The following GTF2E1 variants were observed in gnomAD, a reference collection of about 807,000 sequenced individuals.
The protein encoded by GTF2E1 is TFIIE alpha subunit.
A neutral mutation model predicts 34.9 loss-of-function variants in GTF2E1; 14 were observed. The observed-to-expected ratio is 0.40, with a 90% CI of 0.27 to 0.63. The LOEUF (loss-of-function observed/expected upper bound fraction) is 0.63, where lower values mean the gene tolerates loss of function less well. GTF2E1 is among the 20% of genes least tolerant of loss of function. GTF2E1 has a pLI of 0.39. For synonymous variants in GTF2E1, 188 were observed against 192.9 expected (o/e 0.97, Z 0.21); for missense variants, 469 against 557.7 (o/e 0.84, Z 1.60).
intron 2 of GTF2E1, among the ~76,000 whole-genome samples, chr3:120,762,536 T>C (rs375353594): frequency 2.6e-5 from 4 of 152,374 alleles, no homozygotes; most frequent in African/African-American, 9.6e-5. Flanking sequence ...TTATGGTTAG[T>C]AATGCTTGGT....
intron 2 of GTF2E1, among the ~76,000 whole-genome samples, chr3:120,758,167 A>AG (rs1576358136): frequency 6.6e-6 from 1 of 152,188 alleles, no homozygotes; most frequent in Non-Finnish European, 1.5e-5. Context: ...AAAAAATAAA[A>AG]TAAGTAATAT....
At chr3:120,778,032 T>C (rs144521380) in intron 4 of GTF2E1, among the ~76,000 whole-genome samples, 251 of 152,302 alleles carry the variant, frequency 1.6e-3, no homozygotes, top group African/African-American at 5.5e-3. Context: ...CCTGTTGTGT[T>C]ATTTAGATTG....
At chr3:120,747,375 C>G (rs1210958429) in intron 1 of GTF2E1, among the ~76,000 whole-genome samples, 1 of 151,980 alleles carries the variant, frequency 6.6e-6, no homozygotes, top group Non-Finnish European at 1.5e-5. Context: ...TTAGGTATAT[C>G]TCCTAATGCT....
At chr3:120,774,058 T>C (rs898065786) in intron 3 of GTF2E1, among the ~76,000 whole-genome samples, 3 of 152,188 alleles carry the variant, frequency 2.0e-5, no homozygotes, top group Non-Finnish European at 4.4e-5. Context: ...CAGGATTATA[T>C]ATAAAGAGAA....
chr3:120,743,516 G>A, intron 1 of GTF2E1, among the ~76,000 whole-genome samples: 1 of 152,182 alleles, frequency 6.6e-6, no homozygotes, highest in East Asian at 1.9e-4. Context: ...GGCTATGCTA[G>A]ATGCTGGAAA....
At chr3:120,760,698 A>T (rs964872523) in intron 2 of GTF2E1, among the ~76,000 whole-genome samples, 4 of 151,992 alleles carry the variant, frequency 2.6e-5, no homozygotes, top group Non-Finnish European at 4.4e-5. Context: ...GCTTTTTGTC[A>T]TTGGTTCTGT....
chr3:120,780,617 G>A (rs557899874), intron 4 of GTF2E1, among the ~76,000 whole-genome samples: 1 of 152,186 alleles, frequency 6.6e-6, no homozygotes, highest in Non-Finnish European at 1.5e-5. Context: ...TACCTTGAGT[G>A]AGATAAAGAG....
At chr3:120,770,076 A>G (rs1023379712) in intron 2 of GTF2E1, among the ~76,000 whole-genome samples, 4 of 152,154 alleles carry the variant, frequency 2.6e-5, no homozygotes, top group African/African-American at 9.7e-5. Context: ...GCCAGACACT[A>G]AGTACTTACA....
chr3:120,765,917 A>G (rs1048198898), intron 2 of GTF2E1, among the ~76,000 whole-genome samples: 1 of 152,094 alleles, frequency 6.6e-6, no homozygotes, highest in African/African-American at 2.4e-5. Flanking sequence ...TCTAGCTTGC[A>G]TGTTCTCCCT....
intron 4 of GTF2E1, among the ~76,000 whole-genome samples, chr3:120,779,693 C>T (rs2107614360): frequency 6.6e-6 from 1 of 152,300 alleles, no homozygotes; most frequent in Non-Finnish European, 1.5e-5. Context: ...TGATAGATAA[C>T]ACTATTCTAA....
At chr3:120,776,232 TTTTC>T (rs1709397822) in intron 3 of GTF2E1, among the ~76,000 whole-genome samples, 187 bp from the exon 4 acceptor site, 1 of 152,196 alleles carries the variant, frequency 6.6e-6, no homozygotes, top group Non-Finnish European at 1.5e-5. Context: ...TATGATGTGT[TTTTC>T]TAACGCATAC....
At chr3:120,771,873 T>C (rs1709354201) in intron 3 of GTF2E1, among the ~76,000 whole-genome samples, 1 of 152,216 alleles carries the variant, frequency 6.6e-6, no homozygotes, top group African/African-American at 2.4e-5. Flanking sequence ...AATATCCAGC[T>C]CTAGTTGGAA....
At chr3:120,757,321 A>G (rs1306399404) in intron 2 of GTF2E1, among the ~76,000 whole-genome samples, 1 of 152,194 alleles carries the variant, frequency 6.6e-6, no homozygotes, top group Non-Finnish European at 1.5e-5. Flanking sequence ...GTAGAACCCA[A>G]TTTCATTGAT....
intron 4 of GTF2E1, among the ~76,000 whole-genome samples, chr3:120,777,956 T>G (rs1338661883): frequency 6.6e-6 from 1 of 152,216 alleles, no homozygotes; most frequent in Non-Finnish European, 1.5e-5. Context: ...ACTCCTGACC[T>G]CAAGTGATCT....
At chr3:120,751,813 A>G (rs901007423) in intron 2 of GTF2E1, among the ~76,000 whole-genome samples, 3 of 152,144 alleles carry the variant, frequency 2.0e-5, no homozygotes, top group Non-Finnish European at 4.4e-5. Flanking sequence ...ACTCAGTGCT[A>G]TTAAATTAGA....
chr3:120,767,263 C>G (rs1463214885), intron 2 of GTF2E1, among the ~76,000 whole-genome samples: 2 of 152,046 alleles, frequency 1.3e-5, no homozygotes, highest in Non-Finnish European at 2.9e-5. Flanking sequence ...CTATCATTTT[C>G]AAGGATGTTT....
At position 120,776,632 on chromosome 3, in the gene GTF2E1, A is replaced by G. The variant is rs775228983; in HGVS notation, c.860A>G (p.Gln287Arg). ...RPIWLRESTV[Q>R]GAYGSEDMKE... ...ATTTGGTTGAGAGAAAGCACTGTCC[A>G]AGGGGCATATGGTTCTGAAGATATG... Residue 287 changes from glutamine (Q) to arginine (R), a missense_variant, in exon 4 of 5, where the codon CAA becomes CGA. Coordinates refer to ENST00000283875, the MANE Select transcript of GTF2E1 (RefSeq NM_005513.3). The G allele has an allele frequency of 1.2e-5, 19 of 1,613,638 alleles. No homozygotes were observed. In the Admixed American group the frequency reaches 2.8e-4, roughly 24 times the overall value.
chr3:120,782,445 T>C lies in GTF2E1; in HGVS notation c.*975T>C, dbSNP rs182220238. ...AGGATGATAGAAAACAGAAGTATAATTGGTAAACCCTTAGGAAGAAATTAG... is the reference window on the plus strand; with the variant it reads ...AGGATGATAGAAAACAGAAGTATAACTGGTAAACCCTTAGGAAGAAATTAG... On this transcript the variant is annotated 3_prime_UTR_variant, in exon 5 of 5. Transcript: ENST00000283875. 6.6e-6 allele frequency: 1 copy of C among 152,318 alleles called. No homozygotes were observed. Among genetic ancestry groups the C allele is most frequent in the African/African-American group, 2.4e-5 (1 of 41,556 alleles). The allele number at this position is 152,318 out of a possible 1,614,324, so 9.4% of individuals were successfully genotyped here.
At chr3:120,773,141 G>A (rs952690767) in intron 3 of GTF2E1, among the ~76,000 whole-genome samples, 3 of 143,204 alleles carry the variant, frequency 2.1e-5, no homozygotes, top group Admixed American at 6.8e-5. Flanking sequence ...TCATTTCCAC[G>A]TGGTCAGGAA....
Sources: allele counts gnomAD v4.1 joint callset (sites outside exome capture counted in the v4.1 genomes callset), GRCh38; gene constraint gnomAD v4.1.1; transcripts MANE v1.5; gene names NCBI Gene and HGNC (gene_info 2026-07-23, HGNC 2026-07-21).